Variants in SPOP observed in about 807,000 individuals in gnomAD.
The protein encoded by SPOP is speckle type BTB/POZ protein, also known as speckle-type POZ protein.
A neutral mutation model predicts 45.6 loss-of-function variants in SPOP; 11 were observed. The observed-to-expected ratio is 0.24, with a 90% CI of 0.15 to 0.40. The LOEUF is 0.40. Ranked by LOEUF, SPOP falls within the 10% of genes least tolerant of loss-of-function variation. The pLI is 1.00. For synonymous variants in SPOP, 166 were observed against 166.3 expected (o/e 1.00, Z 0.01); for missense variants, 152 against 465.6 (o/e 0.33, Z 6.20).
intron 2 of SPOP, chr17:49,622,405 T>C (rs1268709807): frequency 1.9e-6 from 1 of 518,110 alleles, no homozygotes; most frequent in East Asian, 3.7e-5. Flanking sequence ...GTTATTAAAA[T>C]GTTGATGTCA....
At chr17:49,615,718 G>C (rs1359992832) in intron 5 of SPOP, among the ~76,000 whole-genome samples, 2 of 152,034 alleles carry the variant, frequency 1.3e-5, no homozygotes, top group Non-Finnish European at 2.9e-5. Flanking sequence ...TAAATGCTCT[G>C]TCAAGAAAAC....
chr17:49,668,419 T>C (rs1350101485), intron 1 of SPOP, among the ~76,000 whole-genome samples: 2 of 152,046 alleles, frequency 1.3e-5, no homozygotes, highest in African/African-American at 2.4e-5. Flanking sequence ...CAAAAAAACA[T>C]ACTAAGCAAA....
In SPOP at chr17:49,677,937, G is replaced by C. The variant is rs1012082736; in HGVS notation, c.-71C>G. On this transcript the variant is annotated 5_prime_UTR_variant, in exon 1 of 10. Coordinates refer to ENST00000504102, the MANE Select transcript of SPOP (RefSeq NM_001007228.2). ...GACTCTCCTCCCCCCACTCACCTGAGAGCGGCGGCGACAGCTGCTGGTCCC... is the reference window on the plus strand; with the variant it reads ...GACTCTCCTCCCCCCACTCACCTGACAGCGGCGGCGACAGCTGCTGGTCCC... 12 of 375,152 alleles carry C rather than the reference G, an allele frequency of 3.2e-5. No individual in the cohort carries two copies. The highest frequency in any genetic ancestry group is 5.0e-5 in the Non-Finnish European group (11 of 220,220). 23.2% of individuals were successfully genotyped at this position (375,152 alleles called of 1,614,324 possible). A position where few individuals can be genotyped will look rare whatever the true frequency, so the allele number is the denominator to read the frequency against.
Position 49,635,222 on chromosome 17 carries a change from G to A in SPOP, c.-66-12346C>T, listed in dbSNP as rs188174586. On this transcript the variant is annotated intron_variant, in intron 1 of 9. Coordinates refer to ENST00000504102, the MANE Select transcript of SPOP (RefSeq NM_001007228.2). ...TTCTAAGTAAACGAAATGGAACAAAGGATGGGCAGGAATTTCTCAGTTTTA... is the reference window on the plus strand; with the variant it reads ...TTCTAAGTAAACGAAATGGAACAAAAGATGGGCAGGAATTTCTCAGTTTTA... Among the ~76,000 whole-genome samples the A allele has an allele frequency of 3.4e-4, 52 of 152,282 alleles. 1 individual carries two copies. Among genetic ancestry groups the A allele is most frequent in the Admixed American group, 3.4e-3 (52 of 15,298 alleles).
intron 1 of SPOP, among the ~76,000 whole-genome samples, chr17:49,659,767 C>G (rs538830708): frequency 3.9e-5 from 6 of 152,154 alleles, no homozygotes; most frequent in African/African-American, 1.4e-4. Flanking sequence ...TAGCCTCATT[C>G]GCATCTCAAA....
rs951571617 is a variant in SPOP, at chr17:49,619,748, T to G, written c.201-363A>C. Among the ~76,000 whole-genome samples, 3 of 152,110 alleles carry G rather than the reference T, an allele frequency of 2.0e-5. No homozygotes were observed. The highest frequency in any genetic ancestry group is 1.3e-4 in the Admixed American group (2 of 15,274). On this transcript the variant is annotated intron_variant, in intron 3 of 9. Coordinates refer to ENST00000504102, the MANE Select transcript of SPOP (RefSeq NM_001007228.2). This position sits in a 1 kb window ranked among gnomAD's most constrained non-coding sequence, Gnocchi z 4.9. The stretch of plus-strand genomic sequence containing the variant: ...CCATATTGCCCAGGCTGGTCTTGAA[T>G]GCTTGAGCTCAAGCGATCCGTCTGC...
intron 8 of SPOP, among the ~76,000 whole-genome samples, chr17:49,603,135 G>C (rs1158228868): frequency 6.6e-6 from 1 of 152,152 alleles, no homozygotes; most frequent in African/African-American, 2.4e-5. Context: ...ATGAATTCTG[G>C]GTGAGGAGGC....
At chr17:49,676,765 C>G (rs527870159) in intron 1 of SPOP, among the ~76,000 whole-genome samples, 33 of 152,118 alleles carry the variant, frequency 2.2e-4, no homozygotes, top group Non-Finnish European at 4.1e-4. Flanking sequence ...TAAGCAGCAG[C>G]AAAGTATCCA....
chr17:49,672,729 T>C (rs1265358716), intron 1 of SPOP, among the ~76,000 whole-genome samples: 1 of 151,794 alleles, frequency 6.6e-6, no homozygotes, highest in African/African-American at 2.4e-5. Context: ...GGCCAATCAC[T>C]TGAGTTCAGG....
chr17:49,670,438 T>C (rs993345046), intron 1 of SPOP, among the ~76,000 whole-genome samples: 2 of 152,190 alleles, frequency 1.3e-5, no homozygotes, highest in African/African-American at 4.8e-5. Context: ...AGAATAACCT[T>C]GTAAATATGA....
chr17:49,669,020 C>T (rs866948249), intron 1 of SPOP, among the ~76,000 whole-genome samples: 3 of 152,092 alleles, frequency 2.0e-5, no homozygotes, highest in South Asian at 4.1e-4. Flanking sequence ...TCGTGATCCG[C>T]CCATCTCGGC....
intron 1 of SPOP, among the ~76,000 whole-genome samples, chr17:49,650,399 G>A (rs1259752225): frequency 6.6e-6 from 1 of 151,782 alleles, no homozygotes; most frequent in Non-Finnish European, 1.5e-5. Flanking sequence ...AGCCAACATG[G>A]TGAAACCCTG....
chr17:49,667,043 T>C (rs945928643), intron 1 of SPOP, among the ~76,000 whole-genome samples: 15 of 151,608 alleles, frequency 9.9e-5, no homozygotes, highest in African/African-American at 3.6e-4. Flanking sequence ...CTGGGCATGG[T>C]GGCGCAAGCC....
intron 1 of SPOP, among the ~76,000 whole-genome samples, chr17:49,656,013 T>C (rs2072908414): frequency 6.6e-6 from 1 of 152,112 alleles, no homozygotes; most frequent in Non-Finnish European, 1.5e-5. Context: ...GGTTTCTCCA[T>C]GTTGGTCAGG....
intron 1 of SPOP, among the ~76,000 whole-genome samples, chr17:49,669,999 G>T (rs1344224507): frequency 1.3e-5 from 2 of 152,078 alleles, no homozygotes; most frequent in African/African-American, 4.8e-5. Context: ...ATGGCAAGGA[G>T]ATTTACACTA....
At chr17:49,638,727 A>G (rs563462327) in intron 1 of SPOP, among the ~76,000 whole-genome samples, 1 of 152,356 alleles carries the variant, frequency 6.6e-6, no homozygotes, top group South Asian at 2.1e-4. Context: ...GCCATCACCA[A>G]AAACTGTGCT....
At chr17:49,623,486 A>G (rs2072262089) in intron 1 of SPOP, among the ~76,000 whole-genome samples, 1 of 152,210 alleles carries the variant, frequency 6.6e-6, no homozygotes, top group South Asian at 2.1e-4. Flanking sequence ...AGGAGACAGC[A>G]TCATTAACAT....
Position 49,607,368 on chromosome 17 carries a change from C to T in SPOP, c.719G>A (p.Arg240Gln), listed in dbSNP as rs2143157476. Residue 240 changes from arginine to glutamine, a missense_variant, in exon 8 of 10, where the codon CGA becomes CAA. By Grantham distance (43) the Arg-to-Gln change is conservative. This residue lies in a region of SPOP where 106 missense variants were observed against 255.2 expected (regional missense o/e 0.42). Transcript: ENST00000504102. Reference sequence around the variant, plus strand: ...AGGCTCCACATCATTGATTTCAACTCGATTCTATGCCAGAAAAACTGAATA... The same window carrying T: ...AGGCTCCACATCATTGATTTCAACTTGATTCTATGCCAGAAAAACTGAATA... ...EHEMEESKKN[R>Q]VEINDVEPEV... 1.2e-6 allele frequency: 2 copies of T among 1,612,062 alleles called. No individual in the cohort carries two copies. The highest frequency in any genetic ancestry group is 1.7e-6 in the Non-Finnish European group (2 of 1,178,942).
At chr17:49,653,339 TAG>T (rs917825355) in intron 1 of SPOP, among the ~76,000 whole-genome samples, 23 of 151,994 alleles carry the variant, frequency 1.5e-4, no homozygotes, top group African/African-American at 5.3e-4. Context: ...CTAAAGCCTT[TAG>T]AGAGGGATTT....
Sources: gnomAD v4.1 joint callset for allele counts (sites outside exome capture counted in the v4.1 genomes callset) on GRCh38, gnomAD v4.1.1 for gene constraint, gnomAD v4.1.1 regional missense constraint, Gnocchi (gnomAD v3.1) non-coding constraint, MANE v1.5 for transcripts, NCBI Gene and HGNC (gene_info 2026-07-23, HGNC 2026-07-21) for gene names.